PGBD2: variants seen among roughly 807,000 people sequenced by gnomAD.
PGBD2 encodes piggyBac transposable element-derived protein 2.
PGBD2 carries 6 observed loss-of-function variants against 8.1 expected under a neutral mutation model. The ratio of observed to expected loss-of-function variants is 0.74; its 90% CI spans 0.40 to 1.46. PGBD2 has a LOEUF of 1.46. PGBD2 is among the 40% of genes most tolerant of loss of function. The pLI is 0.02. For synonymous variants in PGBD2, 318 were observed against 272.2 expected (o/e 1.17, Z -1.66); for missense variants, 802 against 739.0 (o/e 1.09, Z -0.99).
chr1:248,920,986 GTT>G (rs74164229), downstream of PGBD2, among the ~76,000 whole-genome samples: 319 of 145,518 alleles, frequency 2.2e-3, 1 homozygote, highest in East Asian at 0.011. Flanking sequence ...CTTTTTGATG[GTT>G]TTTTTTTTTT....
the PGBD2 span, among the ~76,000 whole-genome samples, chr1:248,880,645 A>G: frequency 6.6e-6 from 1 of 152,210 alleles, no homozygotes; most frequent in African/African-American, 2.4e-5. Context: ...GATTTTCTAG[A>G]TATATTGGTT....
In PGBD2 at chr1:248,916,811, A is replaced by G; in HGVS notation, c.227A>G (p.His76Arg). The change falls in exon 3 of 3, where the codon CAT (histidine) becomes CGT (arginine). Residue 76 changes from histidine to arginine, a missense_variant. His to Arg is a conservative substitution (Grantham distance 29, BLOSUM62 0). Transcript: ENST00000329291. ...RGAHLPGSVL[H>R]ASVLCEDSGT... is the part of the protein sequence containing the mutation. The stretch of plus-strand genomic sequence containing the variant: ...GCTCACCTACCTGGCAGTGTGCTGC[A>G]TGCTTCAGTCCTGTGTGAGGACTCT... 1 of 1,614,210 alleles carries G rather than the reference A, an allele frequency of 6.2e-7. No homozygotes were observed. Among genetic ancestry groups the G allele is most frequent in the Non-Finnish European group, 8.5e-7 (1 of 1,180,028 alleles).
chr1:248,919,231 C>T (rs1364411143), downstream of PGBD2: 1 of 167,010 alleles, frequency 6.0e-6, no homozygotes, highest in African/African-American at 2.4e-5. Flanking sequence ...CTCTCCCCCA[C>T]CCCCTAACTA....
chr1:248,885,071 CT>C, the PGBD2 span, among the ~76,000 whole-genome samples: 2 of 151,982 alleles, frequency 1.3e-5, no homozygotes, highest in East Asian at 3.9e-4. Flanking sequence ...AGACTGCAGA[CT>C]TTTTTTGCAG....
At chr1:248,897,205 C>T in the PGBD2 span, among the ~76,000 whole-genome samples, 12 of 145,824 alleles carry the variant, frequency 8.2e-5, no homozygotes, top group East Asian at 1.6e-3. Flanking sequence ...TTTTACCTTT[C>T]TCAGCATTCC....
At chr1:248,911,325 G>C (rs1280166395) in intron 1 of PGBD2, among the ~76,000 whole-genome samples, 1 of 150,954 alleles carries the variant, frequency 6.6e-6, no homozygotes, top group Non-Finnish European at 1.5e-5. Context: ...GACTCTTAAC[G>C]AGCATCCTGC....
chr1:248,872,887 G>T, the PGBD2 span, among the ~76,000 whole-genome samples: 2 of 152,194 alleles, frequency 1.3e-5, no homozygotes, highest in Non-Finnish European at 2.9e-5. Context: ...CCGGCTGCAT[G>T]ACATATATTT....
At chr1:248,908,978 A>T (rs1314147199) in intron 1 of PGBD2, among the ~76,000 whole-genome samples, 1 of 151,978 alleles carries the variant, frequency 6.6e-6, no homozygotes, top group Non-Finnish European at 1.5e-5. Flanking sequence ...TTTGATAAAC[A>T]CCTCCTTTCC....
the PGBD2 span, among the ~76,000 whole-genome samples, chr1:248,883,364 C>T: frequency 6.6e-6 from 1 of 152,132 alleles, no homozygotes; most frequent in East Asian, 1.9e-4. Flanking sequence ...CTCAGGTGAT[C>T]CGCCGCCTCG....
At chr1:248,923,958 C>A (rs1662336208), downstream of PGBD2, among the ~76,000 whole-genome samples, 1 of 152,170 alleles carries the variant, frequency 6.6e-6, no homozygotes, top group South Asian at 2.1e-4. Context: ...ATGCAGCCCC[C>A]ACTGGACAGG....
the PGBD2 span, among the ~76,000 whole-genome samples, chr1:248,897,116 A>C: frequency 1.3e-5 from 2 of 152,102 alleles, no homozygotes; most frequent in South Asian, 2.1e-4. Context: ...TTTAGCCTAA[A>C]TATTTGCCCT....
At chr1:248,897,957 T>A in the PGBD2 span, among the ~76,000 whole-genome samples, 1 of 152,222 alleles carries the variant, frequency 6.6e-6, no homozygotes. Flanking sequence ...GCTCAGCAGC[T>A]ACGGCAGGTT....
At position 248,916,976 on chromosome 1, in the gene PGBD2, T is replaced by TA; in HGVS notation, c.392_393insA (p.Glu132Ter). The TA allele has an allele frequency of 6.2e-7, 1 of 1,612,746 alleles. No individual in the cohort carries two copies. The highest frequency in any genetic ancestry group is 2.2e-5 in the East Asian group (1 of 44,874). ...AGTTGGACTGCATCAGATCCTCATA[T>TA]TGAGGATCTGAAAAGCCAAGAGCTG... On this transcript the variant is annotated frameshift_variant, in exon 3 of 3. Transcript: ENST00000329291. LOFTEE classifies it low-confidence loss of function (END_TRUNC).
the PGBD2 span, among the ~76,000 whole-genome samples, chr1:248,888,994 C>T: frequency 1.3e-5 from 2 of 152,126 alleles, no homozygotes. Flanking sequence ...AATAGGGAGT[C>T]CTTTTCCCAT....
chr1:248,923,417 T>C (rs1371813049), downstream of PGBD2, among the ~76,000 whole-genome samples: 3 of 152,180 alleles, frequency 2.0e-5, no homozygotes, highest in Non-Finnish European at 4.4e-5. Context: ...CCTGGATTCA[T>C]TGATTTTTTT....
intron 1 of PGBD2, 133 bp from the exon 2 acceptor site, chr1:248,913,683 C>T (rs1661990326): frequency 3.2e-6 from 2 of 624,076 alleles, no homozygotes; most frequent in Admixed American, 2.8e-5. Context: ...TCTGAATAAC[C>T]AGTCGACCCA....
the PGBD2 span, among the ~76,000 whole-genome samples, chr1:248,877,260 C>T: frequency 3.7e-4 from 56 of 152,224 alleles, no homozygotes; most frequent in South Asian, 5.0e-3. Context: ...TTCTGTTACA[C>T]GCCATCATAG....
chr1:248,924,887 T>A (rs1482129188), downstream of PGBD2, among the ~76,000 whole-genome samples: 1 of 152,084 alleles, frequency 6.6e-6, no homozygotes, highest in Non-Finnish European at 1.5e-5. Context: ...CACACAAATA[T>A]AAATGGGTGT....
rs896454684 is a variant in PGBD2 at position 248,918,566 on chromosome 1, C to T, written c.*203C>T. On this transcript the variant is annotated 3_prime_UTR_variant, in exon 3 of 3. Coordinates refer to ENST00000329291, the MANE Select transcript of PGBD2 (RefSeq NM_170725.3). Reference sequence around the variant, plus strand: ...TGTGATATAAATTAATATTTATATTCATTTATATTTATATTTTTGAACTTA... The same window carrying T: ...TGTGATATAAATTAATATTTATATTTATTTATATTTATATTTTTGAACTTA... 3.4e-6 allele frequency: 1 copy of T among 297,538 alleles called. No homozygotes were observed. Among genetic ancestry groups the T allele is most frequent in the African/African-American group, 2.2e-5 (1 of 45,628 alleles). 18.4% of individuals were successfully genotyped at this position (297,538 alleles called of 1,614,324 possible).
Sources: allele counts gnomAD v4.1 joint callset (sites outside exome capture counted in the v4.1 genomes callset), GRCh38; gene constraint gnomAD v4.1.1; transcripts MANE v1.5; gene names NCBI Gene and HGNC (gene_info 2026-07-23, HGNC 2026-07-21).